Variants in PDLIM5 observed in about 807,000 individuals in gnomAD.
PDLIM5 encodes PDZ and LIM domain protein 5.
PDLIM5 carries 34 observed loss-of-function variants against 64.2 expected under a neutral mutation model. That is an observed-to-expected ratio of 0.53 (90% CI 0.40 to 0.71). The LOEUF (loss-of-function observed/expected upper bound fraction) is 0.71, where lower values mean the gene tolerates loss of function less well. Among genes scored for constraint, PDLIM5 ranks in the 30% least tolerant of loss-of-function variants. The pLI is 0.00. For missense variants in PDLIM5, 683 were observed against 733.6 expected (o/e 0.93, Z 0.80); for synonymous variants, 253 against 269.1 (o/e 0.94, Z 0.59).
chr4:94,572,090 C>T (rs1407101669), intron 3 of PDLIM5, among the ~76,000 whole-genome samples: 3 of 151,978 alleles, frequency 2.0e-5, no homozygotes, highest in Non-Finnish European at 4.4e-5. Flanking sequence ...TCATAGAGAC[C>T]GAATATCCTG....
intron 7 of PDLIM5, chr4:94,608,018 A>G (rs1738066412): frequency 7.1e-7 from 1 of 1,412,082 alleles, no homozygotes; most frequent in Non-Finnish European, 9.5e-7. Context: ...CTTTTCATTA[A>G]TATTTCCTTT....
At chr4:94,551,863 A>G (rs1732838584) in intron 3 of PDLIM5, among the ~76,000 whole-genome samples, 1 of 152,190 alleles carries the variant, frequency 6.6e-6, no homozygotes, top group East Asian at 1.9e-4. Context: ...GTTCTCCAAG[A>G]TGATATGGAG....
At chr4:94,546,972 A>G (rs1460951062) in intron 3 of PDLIM5, among the ~76,000 whole-genome samples, 1 of 151,378 alleles carries the variant, frequency 6.6e-6, no homozygotes, top group Non-Finnish European at 1.5e-5. Flanking sequence ...GGGCTTAAGG[A>G]AAAAAAAATA....
chr4:94,611,215 G>C, intron 7 of PDLIM5: 1 of 1,531,530 alleles, frequency 6.5e-7, no homozygotes, highest in Non-Finnish European at 8.7e-7. Flanking sequence ...TGTGGGAGCA[G>C]ATATGGCAAG....
At chr4:94,491,941 A>G (rs1486744514) in intron 2 of PDLIM5, among the ~76,000 whole-genome samples, 2 of 151,858 alleles carry the variant, frequency 1.3e-5, no homozygotes, top group Non-Finnish European at 2.9e-5. Flanking sequence ...TTTTTCAAAT[A>G]TACGTTATTA....
chr4:94,541,843 G>A (rs1215935434), intron 3 of PDLIM5, among the ~76,000 whole-genome samples: 1 of 152,160 alleles, frequency 6.6e-6, no homozygotes, highest in Non-Finnish European at 1.5e-5. Context: ...TTTACTGATG[G>A]ATGGAATAAA....
At chr4:94,522,713 C>A (rs1729939305) in intron 2 of PDLIM5, among the ~76,000 whole-genome samples, 1 of 152,178 alleles carries the variant, frequency 6.6e-6, no homozygotes, top group African/African-American at 2.4e-5. Flanking sequence ...GACCTTCTGA[C>A]TTACCTAGTT....
At chr4:94,571,861 C>T (rs1422802227) in intron 3 of PDLIM5, among the ~76,000 whole-genome samples, 7 of 149,492 alleles carry the variant, frequency 4.7e-5, no homozygotes, top group Admixed American at 4.4e-4. Context: ...AATAACCCTA[C>T]AAGCTAAAAG....
chr4:94,459,493 A>G (rs940236128), intron 2 of PDLIM5, among the ~76,000 whole-genome samples: 1 of 152,216 alleles, frequency 6.6e-6, no homozygotes, highest in African/African-American at 2.4e-5. Flanking sequence ...CCTGTTTGGG[A>G]GTCTAACACA....
intron 3 of PDLIM5, among the ~76,000 whole-genome samples, chr4:94,549,588 T>C (rs997996133): frequency 6.6e-6 from 1 of 152,172 alleles, no homozygotes; most frequent in African/African-American, 2.4e-5. Context: ...TATGTATTAT[T>C]ATGAACAGTT....
At chr4:94,547,873 A>G (rs977907222) in intron 3 of PDLIM5, among the ~76,000 whole-genome samples, 11 of 152,286 alleles carry the variant, frequency 7.2e-5, no homozygotes, top group Non-Finnish European at 1.0e-4. Flanking sequence ...GACATTTTCT[A>G]TACCAGAGTC....
intron 8 of PDLIM5, among the ~76,000 whole-genome samples, chr4:94,634,000 G>C (rs1350861375): frequency 6.6e-6 from 1 of 152,134 alleles, no homozygotes; most frequent in African/African-American, 2.4e-5. Context: ...CCAGTACAGA[G>C]GAATAATCAG....
intron 7 of PDLIM5, among the ~76,000 whole-genome samples, chr4:94,604,705 G>C (rs1280196770): frequency 6.6e-6 from 1 of 152,166 alleles, no homozygotes; most frequent in Non-Finnish European, 1.5e-5. Context: ...GCTAGGGGGA[G>C]GGGGAAGGGG....
chr4:94,635,577 G>C (rs917559187), intron 8 of PDLIM5, among the ~76,000 whole-genome samples: 59 of 152,252 alleles, frequency 3.9e-4, no homozygotes, highest in African/African-American at 1.4e-3. Context: ...AATGCATTTG[G>C]AGCATTTTAG....
intron 7 of PDLIM5, among the ~76,000 whole-genome samples, chr4:94,599,248 G>A (rs1737299693): frequency 6.6e-6 from 1 of 152,174 alleles, no homozygotes; most frequent in African/African-American, 2.4e-5. Context: ...GATAAGCAAT[G>A]TAGTGGCAGT....
At chr4:94,566,156 C>T (rs1560707430) in intron 3 of PDLIM5, among the ~76,000 whole-genome samples, 1 of 152,144 alleles carries the variant, frequency 6.6e-6, no homozygotes, top group African/African-American at 2.4e-5. Context: ...TGCATATAGG[C>T]TTCTGGACCA....
At chr4:94,603,468 C>A (rs1354845567) in intron 7 of PDLIM5, among the ~76,000 whole-genome samples, 2 of 152,192 alleles carry the variant, frequency 1.3e-5, no homozygotes, top group East Asian at 3.9e-4. Flanking sequence ...AAACTTGGGA[C>A]TGTAATGCCC....
At chr4:94,527,551 G>A (rs149904512) in intron 3 of PDLIM5, among the ~76,000 whole-genome samples, 183 of 152,304 alleles carry the variant, frequency 1.2e-3, no homozygotes, top group Middle Eastern at 3.4e-3. Context: ...ATTTCCTAGA[G>A]CAGAGTCTGA....
At chr4:94,611,072 C>G in intron 7 of PDLIM5, 1 of 1,533,926 alleles carries the variant, frequency 6.5e-7, no homozygotes, top group Non-Finnish European at 8.7e-7. Context: ...TTACCAGGCT[C>G]TACACTCCTG....
Sources: gnomAD v4.1 joint callset for allele counts (sites outside exome capture counted in the v4.1 genomes callset) on GRCh38, gnomAD v4.1.1 for gene constraint, MANE v1.5 for transcripts, NCBI Gene and HGNC (gene_info 2026-07-23, HGNC 2026-07-21) for gene names.